Variants in GALNT13 observed in about 807,000 individuals in gnomAD.
The protein encoded by GALNT13 is polypeptide N-acetylgalactosaminyltransferase 13, also known as UDP-GalNAc:polypeptide N-acetylgalactosaminyltransferase 13.
In GALNT13, 28 loss-of-function variants were observed where a neutral mutation model predicts 64.2. The observed-to-expected ratio is 0.44, with a 90% confidence interval of 0.32 to 0.60. The LOEUF (loss-of-function observed/expected upper bound fraction) is 0.60. Ranked by LOEUF, GALNT13 falls within the 20% of genes least tolerant of loss-of-function variation. The pLI is 0.05. For synonymous variants in GALNT13, 214 were observed against 224.6 expected, an observed-to-expected ratio of 0.95 and a Z score of 0.42; for missense variants, 577 against 669.8, an observed-to-expected ratio of 0.86 and a Z score of 1.53.
At chr2:154,308,358 T>C (rs576452870) in intron 9 of GALNT13, among the ~76,000 whole-genome samples, 2 of 152,248 alleles carry the variant, frequency 1.3e-5, no homozygotes, top group African/African-American at 4.8e-5. Context: ...GTTATTAAAG[T>C]TTAAAGCCTA....
At chr2:153,939,240 G>T (rs1159502813) in intron 2 of GALNT13, among the ~76,000 whole-genome samples, 1 of 152,124 alleles carries the variant, frequency 6.6e-6, no homozygotes, top group Non-Finnish European at 1.5e-5. Context: ...AGAGCAGGGA[G>T]CCATGAACCT....
chr2:154,380,444 A>C (rs914079066), intron 9 of GALNT13, among the ~76,000 whole-genome samples: 2 of 152,048 alleles, frequency 1.3e-5, no homozygotes, highest in African/African-American at 4.8e-5. Flanking sequence ...GTTATGTGTT[A>C]ATATTTCCAA....
chr2:154,388,498 T>TCTTTC (rs1698621047), intron 9 of GALNT13, among the ~76,000 whole-genome samples: 1 of 151,936 alleles, frequency 6.6e-6, no homozygotes, highest in East Asian at 1.9e-4. Flanking sequence ...TCCTGTGTTT[T>TCTTTC]AGTACTTTTA....
intron 11 of GALNT13, among the ~76,000 whole-genome samples, chr2:154,423,001 TTGC>T (rs887819904): frequency 1.6e-4 from 25 of 152,150 alleles, no homozygotes; most frequent in African/African-American, 6.0e-4. Context: ...CTATGTTGGT[TTGC>T]TGCGCCCATT....
chr2:154,226,381 T>A (rs1036069382), intron 4 of GALNT13, among the ~76,000 whole-genome samples: 1 of 152,212 alleles, frequency 6.6e-6, no homozygotes, highest in Middle Eastern at 3.4e-3. Flanking sequence ...TGTCAAAAAA[T>A]GCTTCCCTGA....
At chr2:154,060,278 T>C (rs1362924864) in intron 3 of GALNT13, among the ~76,000 whole-genome samples, 4 of 152,226 alleles carry the variant, frequency 2.6e-5, no homozygotes, top group African/African-American at 9.6e-5. Context: ...ACTAAGATAG[T>C]GAGTAGGCTC....
At chr2:154,255,063 G>A (rs1293869469) in intron 7 of GALNT13, among the ~76,000 whole-genome samples, 1 of 152,094 alleles carries the variant, frequency 6.6e-6, no homozygotes, top group Admixed American at 6.6e-5. Flanking sequence ...GAAAAAGGAG[G>A]GGAAGGGGAT....
chr2:154,025,099 C>G (rs370113525), intron 3 of GALNT13, among the ~76,000 whole-genome samples: 50 of 152,256 alleles, frequency 3.3e-4, no homozygotes, highest in African/African-American at 1.0e-3. Flanking sequence ...GTCAGTCCGC[C>G]CCTACTGGGG....
intron 3 of GALNT13, among the ~76,000 whole-genome samples, chr2:154,080,978 C>T (rs1701243287): frequency 6.6e-6 from 1 of 151,314 alleles, no homozygotes; most frequent in African/African-American, 2.4e-5. Flanking sequence ...AGCATAAGTC[C>T]CCATGTTGCA....
intron 9 of GALNT13, among the ~76,000 whole-genome samples, chr2:154,340,713 AT>A (rs1695713850): frequency 6.6e-6 from 1 of 152,152 alleles, no homozygotes. Context: ...AAATATGTAA[AT>A]GTAATTGAGT....
the GALNT13 span, among the ~76,000 whole-genome samples, chr2:153,809,640 G>A: frequency 6.6e-6 from 1 of 152,138 alleles, no homozygotes; most frequent in Non-Finnish European, 1.5e-5. Flanking sequence ...CCAGTCCATT[G>A]AAGTGGGTCT....
the GALNT13 span, among the ~76,000 whole-genome samples, chr2:153,174,906 G>A: frequency 6.6e-6 from 1 of 151,958 alleles, no homozygotes; most frequent in Admixed American, 6.6e-5. Flanking sequence ...CAATTCCAAA[G>A]TCACTTTCAC....
chr2:153,332,658 A>C, the GALNT13 span, among the ~76,000 whole-genome samples: 1 of 151,986 alleles, frequency 6.6e-6, no homozygotes, highest in African/African-American at 2.4e-5. Context: ...GTGGTGGCTC[A>C]GGCTGCTGAT....
chr2:154,371,036 A>C (rs1697657671), intron 9 of GALNT13, among the ~76,000 whole-genome samples: 2 of 152,076 alleles, frequency 1.3e-5, no homozygotes, highest in South Asian at 4.2e-4. Flanking sequence ...GGGAATAGGC[A>C]CCTGAGTGAA....
At chr2:153,233,183 C>A in the GALNT13 span, among the ~76,000 whole-genome samples, 5 of 152,104 alleles carry the variant, frequency 3.3e-5, no homozygotes, top group African/African-American at 1.2e-4. Flanking sequence ...ATCATTTTGC[C>A]TTCCTTGAAA....
chr2:153,432,100 A>C, the GALNT13 span, among the ~76,000 whole-genome samples: 3 of 152,098 alleles, frequency 2.0e-5, no homozygotes, highest in African/African-American at 7.2e-5. Flanking sequence ...AGATAACTGG[A>C]AATGGGAAAA....
the GALNT13 span, among the ~76,000 whole-genome samples, chr2:153,509,142 G>T: frequency 6.6e-6 from 1 of 152,202 alleles, no homozygotes; most frequent in Non-Finnish European, 1.5e-5. Flanking sequence ...AGGAAATAGC[G>T]GGCGCTGTGT....
chr2:154,397,461 T>C (rs1699108096), intron 10 of GALNT13, among the ~76,000 whole-genome samples: 2 of 152,018 alleles, frequency 1.3e-5, no homozygotes, highest in Admixed American at 1.3e-4. Flanking sequence ...AAGCAATAAA[T>C]ATGCACTTAG....
the GALNT13 span, among the ~76,000 whole-genome samples, chr2:153,126,019 T>A: frequency 6.6e-6 from 1 of 152,068 alleles, no homozygotes; most frequent in African/African-American, 2.4e-5. Flanking sequence ...CTTTGGTCAT[T>A]CTAGTTCATT....
Sources: allele counts gnomAD v4.1 joint callset (sites outside exome capture counted in the v4.1 genomes callset), GRCh38; gene constraint gnomAD v4.1.1; transcripts MANE v1.5; gene names NCBI Gene and HGNC (gene_info 2026-07-23, HGNC 2026-07-21).